ADGRV1: variants seen among roughly 807,000 people sequenced by gnomAD.
ADGRV1 encodes adhesion G protein-coupled receptor V1.
ADGRV1 carries 359 observed loss-of-function variants against 596.2 expected under a neutral mutation model. That is an observed-to-expected ratio of 0.60 (90% CI 0.55 to 0.66). ADGRV1 has a LOEUF of 0.66. Ranked by LOEUF, ADGRV1 falls within the 30% of genes least tolerant of loss-of-function variation. The probability of loss-of-function intolerance (pLI) is 0.00; values close to 1 mark genes in which losing one functional copy is unlikely to be tolerated. For missense variants in ADGRV1, 7,274 were observed against 7,575.6 expected (o/e 0.96, Z 1.48); for synonymous variants, 2,681 against 2,679.2 (o/e 1.00, Z -0.02).
intron 83 of ADGRV1, among the ~76,000 whole-genome samples, chr5:90,898,488 A>G (rs886397323): frequency 1.3e-5 from 2 of 152,122 alleles, no homozygotes; most frequent in Non-Finnish European, 2.9e-5. Flanking sequence ...GGCTTAATTC[A>G]CTTAGTCAGT....
chr5:90,995,982 A>G (rs569714774), intron 85 of ADGRV1, among the ~76,000 whole-genome samples: 75 of 152,358 alleles, frequency 4.9e-4, no homozygotes, highest in Non-Finnish European at 9.7e-4. Flanking sequence ...CTAAAAGCCT[A>G]TGCTCATTTG....
intron 67 of ADGRV1, among the ~76,000 whole-genome samples, chr5:90,784,574 G>A (rs1244257548): frequency 6.6e-6 from 1 of 152,132 alleles, no homozygotes; most frequent in Admixed American, 6.6e-5. Flanking sequence ...AGAAGGGTGA[G>A]CATTTGGGCA....
At chr5:90,733,005 A>G (rs1752749309) in intron 50 of ADGRV1, among the ~76,000 whole-genome samples, 1 of 152,170 alleles carries the variant, frequency 6.6e-6, no homozygotes, top group Admixed American at 6.5e-5. Flanking sequence ...ATGTTTTACA[A>G]CTCCTCATAG....
intron 77 of ADGRV1, among the ~76,000 whole-genome samples, chr5:90,836,161 A>C (rs551082527): frequency 6.6e-6 from 1 of 152,332 alleles, no homozygotes; most frequent in South Asian, 2.1e-4. Flanking sequence ...GCCACTCTGG[A>C]AAACAGTTTA....
At chr5:90,691,239 T>C (rs1746429404) in intron 31 of ADGRV1, 198 bp downstream of exon 31, 2 of 697,874 alleles carry the variant, frequency 2.9e-6, no homozygotes, top group African/African-American at 1.8e-5. Flanking sequence ...TGTATACATA[T>C]GCCAGTTTAC....
chr5:91,122,440 A>G (rs1011753537), intron 87 of ADGRV1, among the ~76,000 whole-genome samples: 3 of 152,230 alleles, frequency 2.0e-5, no homozygotes, highest in Non-Finnish European at 4.4e-5. Flanking sequence ...AAACACACAT[A>G]AAGAAAAGCA....
intron 77 of ADGRV1, among the ~76,000 whole-genome samples, chr5:90,834,409 A>G (rs1764783477): frequency 1.3e-5 from 2 of 152,286 alleles, no homozygotes; most frequent in Non-Finnish European, 2.9e-5. Context: ...TTCGCTTGAT[A>G]TACTACTCTG....
At chr5:91,148,289 A>G (rs900183608) in intron 87 of ADGRV1, among the ~76,000 whole-genome samples, 1 of 152,232 alleles carries the variant, frequency 6.6e-6, no homozygotes, top group Non-Finnish European at 1.5e-5. Flanking sequence ...GCCATGCTAG[A>G]GACCTTCACC....
At chr5:90,820,432 G>T in intron 75 of ADGRV1, among the ~76,000 whole-genome samples, 1 of 150,392 alleles carries the variant, frequency 6.6e-6, no homozygotes, top group Admixed American at 6.6e-5. Flanking sequence ...AGTTAATATT[G>T]TTATGTGTGA....
At chr5:91,039,416 C>A (rs192162836) in intron 85 of ADGRV1, among the ~76,000 whole-genome samples, 241 of 152,342 alleles carry the variant, frequency 1.6e-3, no homozygotes, top group African/African-American at 5.7e-3. Flanking sequence ...TGTCTTGCTT[C>A]CTGACCATGA....
chr5:90,637,537 T>A (rs185742339), intron 10 of ADGRV1, among the ~76,000 whole-genome samples, 188 bp from the exon 11 acceptor site: 2 of 152,300 alleles, frequency 1.3e-5, no homozygotes, highest in East Asian at 3.9e-4. Flanking sequence ...TAAAAATATA[T>A]CTAAAGTGAT....
At chr5:91,078,717 A>G (rs1177945293) in intron 86 of ADGRV1, among the ~76,000 whole-genome samples, 1 of 152,210 alleles carries the variant, frequency 6.6e-6, no homozygotes, top group Non-Finnish European at 1.5e-5. Flanking sequence ...GTGTCAGGCA[A>G]ACCAGCTCTG....
At chr5:90,581,040 G>A (rs777181562) in intron 1 of ADGRV1, among the ~76,000 whole-genome samples, 10 of 152,066 alleles carry the variant, frequency 6.6e-5, no homozygotes, top group Non-Finnish European at 1.0e-4. Flanking sequence ...CCCCTTGATC[G>A]AATTGGCTAT....
At chr5:90,759,082 C>A (rs185960885) in intron 57 of ADGRV1, among the ~76,000 whole-genome samples, 130 of 152,154 alleles carry the variant, frequency 8.5e-4, no homozygotes, top group African/African-American at 3.0e-3. Context: ...TGTTTTTAAT[C>A]TGTAAATAAT....
At chr5:91,089,521 T>G (rs1234259415) in intron 86 of ADGRV1, among the ~76,000 whole-genome samples, 3 of 152,170 alleles carry the variant, frequency 2.0e-5, no homozygotes, top group Admixed American at 2.0e-4. Context: ...CTTTGAAGTA[T>G]GTTGGCATTT....
Position 90,694,076 on chromosome 5 carries a change from C to T in ADGRV1, c.7320C>T (p.Ala2440=). Reference sequence around the variant, plus strand: ...TGGGGGAGCCCCTGTATACCTGTGCCACTTTGTGCCTTAAGGAACAAGCTT... The same window carrying T: ...TGGGGGAGCCCCTGTATACCTGTGCTACTTTGTGCCTTAAGGAACAAGCTT... The part of the protein sequence containing the change: ...SAVGEPLYTC[A]TLCLKEQACS... The change falls in exon 33 of 90, where the codon GCC becomes GCT. Residue 2440 remains alanine (A), a synonymous_variant. Transcript: ENST00000405460. 1 of 1,613,818 alleles carries T rather than the reference C, an allele frequency of 6.2e-7. No homozygotes were observed. The highest frequency in any genetic ancestry group is 1.3e-5 in the African/African-American group (1 of 75,042).
At chr5:90,602,834 C>T (rs2152026842) in intron 1 of ADGRV1, among the ~76,000 whole-genome samples, 1 of 152,344 alleles carries the variant, frequency 6.6e-6, no homozygotes, top group South Asian at 2.1e-4. Flanking sequence ...ATGGTGGTGG[C>T]TCAGCAGAAG....
intron 76 of ADGRV1, chr5:90,825,979 C>T (rs1440275923): frequency 1.3e-5 from 2 of 152,116 alleles, no homozygotes; most frequent in East Asian, 3.9e-4. Context: ...ATTATCTTTT[C>T]ACCTGTTAAA....
chr5:90,614,397 A>G (rs914914052), intron 1 of ADGRV1, among the ~76,000 whole-genome samples: 3 of 152,096 alleles, frequency 2.0e-5, no homozygotes, highest in South Asian at 4.1e-4. Flanking sequence ...ACCAACCAAG[A>G]AATCAATTTA....
Sources: gnomAD v4.1 joint callset for allele counts (sites outside exome capture counted in the v4.1 genomes callset) on GRCh38, gnomAD v4.1.1 for gene constraint, MANE v1.5 for transcripts, NCBI Gene and HGNC (gene_info 2026-07-23, HGNC 2026-07-21) for gene names.